Variants in PKD2L2 observed in about 807,000 individuals in gnomAD.
PKD2L2 encodes polycystin 2 like 2, transient receptor potential cation channel.
PKD2L2 carries 67 observed loss-of-function variants against 83.9 expected under a neutral mutation model. The observed-to-expected ratio is 0.80, with a 90% CI of 0.66 to 0.98. PKD2L2 has a LOEUF of 0.98. Ranked by LOEUF, PKD2L2 falls within the 50% of genes least tolerant of loss-of-function variation. The probability of loss-of-function intolerance (pLI) is 0.00; values close to 1 mark genes in which losing one functional copy is unlikely to be tolerated. For missense variants in PKD2L2, 632 were observed against 717.2 expected, an observed-to-expected ratio of 0.88 and a Z score of 1.36; for synonymous variants, 223 against 237.8, an observed-to-expected ratio of 0.94 and a Z score of 0.57.
chr5:137,913,360 A>AT (rs1421311238), intron 8 of PKD2L2, among the ~76,000 whole-genome samples: 2 of 134,806 alleles, frequency 1.5e-5, no homozygotes, highest in Non-Finnish European at 3.2e-5. Context: ...ATTTTTAAAA[A>AT]TTTTTTGAAG....
Position 137,925,064 on chromosome 5 carries a change from T to A in PKD2L2, c.1576T>A (p.Phe526Ile). 1 of 1,604,316 alleles carries A rather than the reference T, an allele frequency of 6.2e-7. No homozygotes were observed. The highest frequency in any genetic ancestry group is 8.5e-7 in the Non-Finnish European group (1 of 1,171,320). Residue 526 changes from phenylalanine (F) to isoleucine (I), a missense_variant, in exon 11 of 15, where the codon TTC (phenylalanine) becomes ATC (isoleucine). Phe to Ile is a conservative substitution (Grantham distance 21). Around this residue, in one of 3 missense-constraint regions of PKD2L2, gnomAD observed 399 missense variants for 416.9 expected, o/e 0.96. Coordinates refer to ENST00000508883, the MANE Select transcript of PKD2L2 (RefSeq NM_001300921.2). ...GAGTTACAAAAATGTTCTCGAGAAA[T>A]TCAGACTGAAGAAAGCTCAAAAAGA... ...KQSYKNVLEK[F>I]RLKKAQKDED...
At position 137,921,659 on chromosome 5, in the gene PKD2L2, T is replaced by C. The variant is rs1758919523; in HGVS notation, c.1352T>C (p.Leu451Pro). The C allele has an allele frequency of 1.3e-6, 2 of 1,596,422 alleles. No homozygotes were observed. The highest frequency in any genetic ancestry group is 1.1e-5 in the South Asian group (1 of 88,934). The change falls in exon 9 of 15, where the codon CTT (leucine) becomes CCT (proline). Residue 451 changes from leucine (L) to proline (P), a missense_variant. Leu to Pro is a moderately conservative substitution (Grantham distance 98). This residue lies in a region of PKD2L2 where 399 missense variants were observed against 416.9 expected (regional missense o/e 0.96). Transcript: ENST00000508883. Reference sequence around the variant, plus strand: ...AGATTTGCACAATTTCGAATTGTTCTTGGAGATTTTAATTTTGCTGGTATT... The same window carrying C: ...AGATTTGCACAATTTCGAATTGTTCCTGGAGATTTTAATTTTGCTGGTATT... Reference protein sequence around the residue: ...NSIFAQFRIVLGDFNFAGIQQ... With the variant: ...NSIFAQFRIVPGDFNFAGIQQ...
chr5:137,940,392 G>GA (rs757779994), intron 14 of PKD2L2: 22 of 1,430,100 alleles, frequency 1.5e-5, no homozygotes, highest in Non-Finnish European at 1.9e-5. Context: ...AGATCATTTG[G>GA]AAAAAAAGAT....
intron 6 of PKD2L2, 51 bp downstream of exon 6, chr5:137,906,485 C>A: frequency 4.6e-6 from 4 of 866,280 alleles, no homozygotes; most frequent in Non-Finnish European, 7.2e-6. Context: ...CTGAACCTAC[C>A]AATGAAGGAG....
intron 7 of PKD2L2, among the ~76,000 whole-genome samples, chr5:137,908,544 T>C (rs1244816896): frequency 6.6e-6 from 1 of 151,174 alleles, no homozygotes; most frequent in Non-Finnish European, 1.5e-5. Flanking sequence ...TGAGCCGAGA[T>C]CATGCCACAG....
Position 137,935,884 on chromosome 5 carries a change from C to A in PKD2L2, c.1759C>A (p.Pro587Thr), listed in dbSNP as rs867422423. The change falls in exon 13 of 15, where the codon CCT (proline) becomes ACT (threonine). Residue 587 changes from proline to threonine, a missense_variant. Around this residue, in one of 3 missense-constraint regions of PKD2L2, gnomAD observed 399 missense variants for 416.9 expected, o/e 0.96. Transcript: ENST00000508883. ...TATGGAAATTCAAGATGACTACCAG[C>A]CTGTCACTCAAGAAGAATTTCGAGA... ...YSMEIQDDYQ[P>T]VTQEEFRELF... The A allele has an allele frequency of 6.3e-7, 1 of 1,593,854 alleles. No homozygotes were observed. Among genetic ancestry groups the A allele is most frequent in the Non-Finnish European group, 8.6e-7 (1 of 1,161,826 alleles).
chr5:137,899,408 C>T (rs1756765614), intron 4 of PKD2L2, 108 bp from the exon 5 acceptor site: 1 of 740,176 alleles, frequency 1.4e-6, no homozygotes, highest in African/African-American at 1.8e-5. Flanking sequence ...TGAGCCAGCG[C>T]ACTTGGCCAA....
chr5:137,893,195 A>G (rs1042036598), intron 3 of PKD2L2, among the ~76,000 whole-genome samples: 2 of 152,210 alleles, frequency 1.3e-5, no homozygotes, highest in Non-Finnish European at 1.5e-5. Context: ...ACTTTTAAAA[A>G]TTTCTTTAAT....
chr5:137,911,346 C>A (rs891975521), intron 8 of PKD2L2, among the ~76,000 whole-genome samples: 3 of 152,140 alleles, frequency 2.0e-5, no homozygotes, highest in African/African-American at 7.2e-5. Context: ...TATGTATATT[C>A]CACATTTTGC....
At position 137,889,464 on chromosome 5, in the gene PKD2L2, C is replaced by G. The variant is rs199768710; in HGVS notation, c.-28C>G. ...CGCAAGCGCCGCGGCCTCAGGCGAA[C>G]GAACGGGCGGTGTAGTGCAGGTCCG... On this transcript the variant is annotated 5_prime_UTR_variant, in exon 1 of 15. Coordinates refer to ENST00000508883, the MANE Select transcript of PKD2L2 (RefSeq NM_001300921.2). 6.3e-7 allele frequency: 1 copy of G among 1,584,738 alleles called. No individual in the cohort carries two copies.
chr5:137,941,939 C>T, intron 14 of PKD2L2: 1 of 1,612,130 alleles, frequency 6.2e-7, no homozygotes, highest in East Asian at 2.2e-5. Context: ...TGATGCTCAA[C>T]AAACCTTCCA....
Position 137,894,512 on chromosome 5 carries a change from G to T in PKD2L2, c.427G>T (p.Val143Phe). ...QLKVRNNTCKVYSSFQSLMSE... is the reference protein window; with the variant it reads ...QLKVRNNTCKFYSSFQSLMSE... ...AAAAGTCCGCAACAACACATGCAAA[G>T]TCTATTCATCTTTTCAGTCTTTGAT... The change falls in exon 4 of 15, where the codon GTC (valine) becomes TTC (phenylalanine). Residue 143 changes from valine (V) to phenylalanine (F), a missense_variant. Physicochemically the swap from Val to Phe is conservative, Grantham distance 50. This residue lies in a region of PKD2L2 where 229 missense variants were observed against 281.5 expected (regional missense o/e 0.81). Coordinates refer to ENST00000508883, the MANE Select transcript of PKD2L2 (RefSeq NM_001300921.2). The T allele has an allele frequency of 6.2e-7, 1 of 1,613,826 alleles. No homozygotes were observed.
At chr5:137,897,164 C>T (rs141897400) in intron 4 of PKD2L2, among the ~76,000 whole-genome samples, 2 of 151,744 alleles carry the variant, frequency 1.3e-5, no homozygotes, top group African/African-American at 4.8e-5. Context: ...TCAAGCAATC[C>T]TCCTGCCTCA....
chr5:137,890,385 G>A (rs773246182), intron 1 of PKD2L2, 96 bp from the exon 2 acceptor site: 5 of 676,508 alleles, frequency 7.4e-6, no homozygotes, highest in South Asian at 3.7e-5. Flanking sequence ...TTTCCTCCCC[G>A]CAGTGTAAGG....
At chr5:137,939,714 C>G (rs890076936) in intron 14 of PKD2L2, 2 of 268,270 alleles carry the variant, frequency 7.5e-6, no homozygotes, top group Non-Finnish European at 1.2e-5. Flanking sequence ...CTTGAAATCT[C>G]AGTTTGATTT....
In PKD2L2 at chr5:137,923,069, TGGTGCGATCTCACTC is replaced by T. The variant is rs571714408; in HGVS notation, c.1450-348_1450-334del. On this transcript the variant is annotated intron_variant, in intron 9 of 14. Transcript: ENST00000508883. ...CTCTGTCACCCGGGCTGGAGTGCAG[TGGTGCGATCTCACTC>T]GGCTCACTGCAACCTCCACCTCCTG... Among the ~76,000 whole-genome samples the T allele has an allele frequency of 5.9e-3, 893 of 151,624 alleles. 9 individuals carry two copies. The highest frequency in any genetic ancestry group is 0.02 in the African/African-American group (819 of 41,380).
chr5:137,936,734 C>T (rs762595047), intron 14 of PKD2L2, among the ~76,000 whole-genome samples: 11 of 152,200 alleles, frequency 7.2e-5, no homozygotes, highest in Non-Finnish European at 1.0e-4. Flanking sequence ...GGATGACAGG[C>T]GTGAGCCACC....
intron 12 of PKD2L2, among the ~76,000 whole-genome samples, 158 bp from the exon 13 acceptor site, chr5:137,935,638 GA>G (rs1760266379): frequency 6.6e-6 from 1 of 152,192 alleles, no homozygotes; most frequent in African/African-American, 2.4e-5. Context: ...CTGATGCACA[GA>G]TCTAAAATCT....
At chr5:137,923,265 C>T (rs1431133110) in intron 9 of PKD2L2, among the ~76,000 whole-genome samples, 155 bp from the exon 10 acceptor site, 2 of 152,134 alleles carry the variant, frequency 1.3e-5, no homozygotes, top group Non-Finnish European at 2.9e-5. Context: ...ATTCACTCAC[C>T]TTGGTCTCCT....
Sources: gnomAD v4.1 joint callset for allele counts (sites outside exome capture counted in the v4.1 genomes callset) on GRCh38, gnomAD v4.1.1 for gene constraint, gnomAD v4.1.1 regional missense constraint, MANE v1.5 for transcripts, NCBI Gene and HGNC (gene_info 2026-07-23, HGNC 2026-07-21) for gene names.